The following GATAD2A variants were observed in gnomAD, a reference collection of about 807,000 sequenced individuals.
GATAD2A encodes GATA zinc finger domain containing 2A, also known as transcriptional repressor p66-alpha.
GATAD2A carries 12 observed loss-of-function variants against 68.5 expected under a neutral mutation model. That is an observed-to-expected ratio of 0.18 (90% CI 0.11 to 0.28). GATAD2A has a LOEUF of 0.28. Ranked by LOEUF, GATAD2A falls within the 10% of genes least tolerant of loss-of-function variation. GATAD2A has a pLI of 1.00. For synonymous variants in GATAD2A, 410 were observed against 375.3 expected (o/e 1.09, Z -1.07); for missense variants, 755 against 868.5 (o/e 0.87, Z 1.64).
chr19:19,453,614 G>A lies in GATAD2A; in HGVS notation c.-6-11726G>A, dbSNP rs114905925. ...GGATTCAAGCAGTCCTTCCACCTCA[G>A]CTTCCTGCGTAGCTGAGACCACAGG... On this transcript the variant is annotated intron_variant, in intron 1 of 11. Coordinates refer to ENST00000683918, the MANE Select transcript of GATAD2A (RefSeq NM_001384528.1). Among the ~76,000 whole-genome samples, 1,006 of 151,822 alleles carry A rather than the reference G, an allele frequency of 6.6e-3. 8 individuals carry two copies. The highest frequency in any genetic ancestry group is 0.023 in the African/African-American group (960 of 41,370).
chr19:19,490,223 A>G (rs1387758935), intron 2 of GATAD2A, among the ~76,000 whole-genome samples: 1 of 152,156 alleles, frequency 6.6e-6, no homozygotes, highest in East Asian at 1.9e-4. Context: ...TACAGCCACC[A>G]CGTAGCTGTG....
chr19:19,506,020 C>T lies in GATAD2A; in HGVS notation c.*546C>T, dbSNP rs2060851331. On this transcript the variant is annotated 3_prime_UTR_variant, in exon 12 of 12. Coordinates refer to ENST00000683918, the MANE Select transcript of GATAD2A (RefSeq NM_001384528.1). ...TCATGATGATGGAGTTAAAAGTAAA[C>T]CGTGCAGACCCTGGGGTCCCTGTTG... 1 of 398,680 alleles carries T rather than the reference C, an allele frequency of 2.5e-6. No individual in the cohort carries two copies. 24.7% of individuals were successfully genotyped at this position (398,680 alleles called of 1,614,324 possible).
At chr19:19,487,212 C>T (rs532749088) in intron 2 of GATAD2A, among the ~76,000 whole-genome samples, 1 of 152,342 alleles carries the variant, frequency 6.6e-6, no homozygotes, top group Non-Finnish European at 1.5e-5. Flanking sequence ...CTGGATACCC[C>T]CTTGCCCTTT....
Position 19,498,336 on chromosome 19 carries a change from A to G in GATAD2A, c.925-107A>G, listed in dbSNP as rs1003781503. ...ACTTTTGTTAAGGACGCCATCGTCA[A>G]GGGTACTGGTTAGTGCAGTTGACAG... On this transcript the variant is annotated intron_variant, in intron 7 of 11. Transcript: ENST00000683918. The G allele has an allele frequency of 2.0e-5, 20 of 985,196 alleles. No individual in the cohort carries two copies. The African/African-American group carries it at 2.6e-4, about 13-fold the overall frequency. The allele number at this position is 985,196 out of a possible 1,614,324, so 61.0% of individuals were successfully genotyped here.
At position 19,487,808 on chromosome 19, in the gene GATAD2A, G is replaced by A. The variant is rs576924708; in HGVS notation, c.270-4498G>A. On this transcript the variant is annotated intron_variant, in intron 2 of 11. Coordinates refer to ENST00000683918, the MANE Select transcript of GATAD2A (RefSeq NM_001384528.1). ...AGGGCCTGGTGAGCCCAAGATGAGT[G>A]TTTGCACAAGGGACAAGTGAGCTGG... is the stretch of plus-strand genomic sequence containing the variant. Among the ~76,000 whole-genome samples the A allele has an allele frequency of 5.9e-5, 9 of 152,310 alleles. 1 individual carries two copies. In the South Asian group the frequency reaches 1.9e-3, roughly 32 times the overall value.
At chr19:19,460,174 G>A (rs565420852) in intron 1 of GATAD2A, among the ~76,000 whole-genome samples, 1 of 152,298 alleles carries the variant, frequency 6.6e-6, no homozygotes, top group South Asian at 2.1e-4. Flanking sequence ...TTAGGAAGTG[G>A]GAGAGCCACT....
In GATAD2A at chr19:19,508,588, C is replaced by T. The variant is rs931023635; in HGVS notation, c.*3114C>T. The T allele has an allele frequency of 1.3e-5, 2 of 152,188 alleles. No individual in the cohort carries two copies. The highest frequency in any genetic ancestry group is 4.8e-5 in the African/African-American group (2 of 41,442). The allele number at this position is 152,188 out of a possible 1,614,324, so 9.4% of individuals were successfully genotyped here. On this transcript the variant is annotated 3_prime_UTR_variant, in exon 12 of 12. Transcript: ENST00000683918. Reference sequence around the variant, plus strand: ...ATCACAGAAGGGATGATCCTTGCTGCTCTGCCGTAGGGTTTTTGATGCTGA... The same window carrying T: ...ATCACAGAAGGGATGATCCTTGCTGTTCTGCCGTAGGGTTTTTGATGCTGA...
intron 1 of GATAD2A, among the ~76,000 whole-genome samples, chr19:19,425,972 G>A (rs566930508): frequency 6.6e-6 from 1 of 152,100 alleles, no homozygotes; most frequent in Non-Finnish European, 1.5e-5. Context: ...ATTTTTTGTA[G>A]GGATGGTGTT....
At chr19:19,493,679 C>A (rs2059955745) in intron 4 of GATAD2A, among the ~76,000 whole-genome samples, 1 of 152,174 alleles carries the variant, frequency 6.6e-6, no homozygotes, top group Non-Finnish European at 1.5e-5. Flanking sequence ...AAGGACAGGA[C>A]TCTCTCTGCT....
intron 2 of GATAD2A, among the ~76,000 whole-genome samples, chr19:19,490,137 C>A (rs1178096956): frequency 6.6e-6 from 1 of 152,162 alleles, no homozygotes; most frequent in South Asian, 2.1e-4. Context: ...TTGTATACTT[C>A]GAAATCGTAC....
intron 1 of GATAD2A, among the ~76,000 whole-genome samples, chr19:19,448,716 C>T (rs1317611021): frequency 6.6e-6 from 1 of 152,114 alleles, no homozygotes; most frequent in Non-Finnish European, 1.5e-5. Context: ...TCTTGAAGTC[C>T]TGATCTCAAA....
intron 1 of GATAD2A, among the ~76,000 whole-genome samples, chr19:19,437,557 A>G (rs1180569415): frequency 1.3e-5 from 2 of 152,256 alleles, no homozygotes; most frequent in Middle Eastern, 3.4e-3. Flanking sequence ...ATTATCCCAA[A>G]AGGAAACAGC....
intron 1 of GATAD2A, chr19:19,457,292 C>T (rs898531492): frequency 2.1e-5 from 20 of 947,190 alleles, no homozygotes; most frequent in Non-Finnish European, 2.5e-5. Flanking sequence ...CCAGGGGCCT[C>T]CCAGAGCTTC....
At chr19:19,503,784 G>A (rs1177990185) in intron 11 of GATAD2A, among the ~76,000 whole-genome samples, 1 of 152,182 alleles carries the variant, frequency 6.6e-6, no homozygotes, top group Non-Finnish European at 1.5e-5. Flanking sequence ...TACCACGGGG[G>A]TTTTGAGAGA....
intron 11 of GATAD2A, among the ~76,000 whole-genome samples, chr19:19,504,666 G>A (rs1344047179): frequency 7.9e-6 from 1 of 125,838 alleles, no homozygotes; most frequent in African/African-American, 2.9e-5. Context: ...TTCTTCTTTT[G>A]GAGAAGCTTC....
rs2060613896 is a variant in GATAD2A, at chr19:19,502,630, C to T, written c.1774+104C>T. The stretch of plus-strand genomic sequence containing the variant: ...TGTGCAGCGGGTGAACCCCCAGGCC[C>T]GCTTCCCAAGCTCAGCCTCCTCGGA... On this transcript the variant is annotated intron_variant, in intron 11 of 11. Transcript: ENST00000683918. 1.0e-5 allele frequency: 9 copies of T among 896,736 alleles called. No homozygotes were observed. The Middle Eastern group carries it at 1.0e-3, about 102-fold the overall frequency. The allele number at this position is 896,736 out of a possible 1,614,324, so 55.5% of individuals were successfully genotyped here.
intron 1 of GATAD2A, among the ~76,000 whole-genome samples, chr19:19,447,575 C>T (rs2147767154): frequency 6.6e-6 from 1 of 152,346 alleles, no homozygotes; most frequent in East Asian, 1.9e-4. Context: ...TCTGTCCCAG[C>T]CCTTACAGCT....
At chr19:19,388,906 G>A (rs922831149) in intron 1 of GATAD2A, among the ~76,000 whole-genome samples, 13 of 152,108 alleles carry the variant, frequency 8.5e-5, no homozygotes, top group Admixed American at 7.2e-4. Flanking sequence ...TCGTAGGCCA[G>A]TTTGGTTTGA....
intron 8 of GATAD2A, among the ~76,000 whole-genome samples, chr19:19,499,425 G>A (rs1387835521): frequency 6.6e-6 from 1 of 152,106 alleles, no homozygotes; most frequent in Non-Finnish European, 1.5e-5. Flanking sequence ...CAGAGGAGTC[G>A]GCAGGACTGT....
Sources: allele counts gnomAD v4.1 joint callset (sites outside exome capture counted in the v4.1 genomes callset), GRCh38; gene constraint gnomAD v4.1.1; transcripts MANE v1.5; gene names NCBI Gene and HGNC (gene_info 2026-07-23, HGNC 2026-07-21).